NPAS1: variants seen among roughly 807,000 people sequenced by gnomAD.
NPAS1 encodes the protein neuronal PAS domain protein 1, also known as neuronal PAS domain-containing protein 1.
In NPAS1, 29 loss-of-function variants were observed where a neutral mutation model predicts 49.2. The ratio of observed to expected loss-of-function variants is 0.59; its 90% confidence interval spans 0.44 to 0.80. The LOEUF (loss-of-function observed/expected upper bound fraction) is 0.80, where lower values mean the gene tolerates loss of function less well. NPAS1 is among the 30% of genes least tolerant of loss of function. The pLI, the probability that NPAS1 is intolerant of heterozygous loss-of-function variation, is 0.00. For synonymous variants in NPAS1, 408 were observed against 380.4 expected, an observed-to-expected ratio of 1.07 and a Z score of -0.84; for missense variants, 825 against 835.5, an observed-to-expected ratio of 0.99 and a Z score of 0.15.
Position 47,040,425 on chromosome 19 carries a change from C to T in NPAS1, c.963-19C>T. Reference sequence around the variant, plus strand: ...CCCCGTGGTCTTGGACTCCTCCCCTCTTCTCTGTCACCCCCCAGAGTCAGC... The same window carrying T: ...CCCCGTGGTCTTGGACTCCTCCCCTTTTCTCTGTCACCCCCCAGAGTCAGC... On this transcript the variant is annotated intron_variant, in intron 8 of 11. Transcript: ENST00000602212. The T allele has an allele frequency of 6.4e-7, 1 of 1,550,762 alleles. No individual in the cohort carries two copies. The highest frequency in any genetic ancestry group is 8.8e-7 in the Non-Finnish European group (1 of 1,140,858).
At position 47,021,543 on chromosome 19, in the gene NPAS1, C is replaced by A. The variant is rs1005001131; in HGVS notation, c.123-69C>A. On this transcript the variant is annotated intron_variant, in intron 2 of 11. Coordinates refer to ENST00000602212, the MANE Select transcript of NPAS1 (RefSeq NM_002517.4). This position sits in a 1 kb window ranked among gnomAD's most constrained non-coding sequence, Gnocchi z 5.7. ...GTTCCCAAGGCCCCGGGAGGCGGGG[C>A]TCGCCCCCAGTTCCCAAGCCCCTGA... The A allele has an allele frequency of 1.8e-6, 2 of 1,104,736 alleles. No individual in the cohort carries two copies. The highest frequency in any genetic ancestry group is 1.7e-5 in the African/African-American group (1 of 59,990). The allele number at this position is 1,104,736 out of a possible 1,614,324, so 68.4% of individuals were successfully genotyped here. A position where few individuals can be genotyped will look rare whatever the true frequency, so the allele number is the denominator to read the frequency against.
intron 5 of NPAS1, 48 bp from the exon 6 acceptor site, chr19:47,035,916 T>TGC (rs777110466): frequency 1.4e-5 from 20 of 1,463,774 alleles, no homozygotes; most frequent in Middle Eastern, 4.3e-4. Context: ...AGCGAGTTAC[T>TGC]GCGCGCGCAC....
chr19:47,042,083 G>A (rs111928856), intron 10 of NPAS1, among the ~76,000 whole-genome samples: 2,244 of 151,204 alleles, frequency 0.015, 53 homozygotes, highest in African/African-American at 0.052. Flanking sequence ...CGAGGTGGGT[G>A]GATCACGAGG....
At chr19:47,020,894 G>C (rs1479749991) in intron 1 of NPAS1, 112 bp from the exon 2 acceptor site, 9 of 272,998 alleles carry the variant, frequency 3.3e-5, no homozygotes, top group South Asian at 2.5e-4. Context: ...CATCATCCAG[G>C]CCCCCCCCCC....
At chr19:47,042,776 C>A in intron 10 of NPAS1, 34 bp from the exon 11 acceptor site, 1 of 1,567,492 alleles carries the variant, frequency 6.4e-7, no homozygotes, top group Non-Finnish European at 8.7e-7. Flanking sequence ...GGCCAAGGAC[C>A]CCTGGCTCCT....
At position 47,032,270 on chromosome 19, in the gene NPAS1, T is replaced by TGCCCCA; in HGVS notation, c.359_364dup. The TGCCCCA allele has an allele frequency of 6.2e-7, 1 of 1,613,506 alleles. No individual in the cohort carries two copies. The highest frequency in any genetic ancestry group is 1.1e-5 in the South Asian group (1 of 91,062). On this transcript the variant is annotated splice_polypyrimidine_tract_variant and splice_region_variant and intron_variant, in intron 3 of 11. Coordinates refer to ENST00000602212, the MANE Select transcript of NPAS1 (RefSeq NM_002517.4). ...GACTAACAGGCTTCATCCTTCCATCTGCCCCAGCCCCAGGCCGCCGCGGCC... is the reference window on the plus strand; with the variant it reads ...GACTAACAGGCTTCATCCTTCCATCTGCCCCAGCCCCAGCCCCAGGCCGCCGCGGCC...
chr19:47,034,894 A>C (rs2056936496), intron 5 of NPAS1, among the ~76,000 whole-genome samples: 1 of 149,692 alleles, frequency 6.7e-6, no homozygotes, highest in Non-Finnish European at 1.5e-5. Context: ...AAACAAAACA[A>C]AAAAAGTCCA....
intron 3 of NPAS1, among the ~76,000 whole-genome samples, chr19:47,024,809 C>CTTTTT (rs774304674): frequency 7.5e-6 from 1 of 133,602 alleles, no homozygotes; most frequent in Non-Finnish European, 1.6e-5. Flanking sequence ...TTCCCTATTG[C>CTTTTT]TTTTTTTTTT....
At chr19:47,022,820 TAA>T (rs1166451964) in intron 3 of NPAS1, among the ~76,000 whole-genome samples, 1 of 152,264 alleles carries the variant, frequency 6.6e-6, no homozygotes, top group Admixed American at 6.5e-5. Context: ...GATAAATATC[TAA>T]GTTTATTATT....
At chr19:47,039,180 T>G in intron 7 of NPAS1, 29 bp downstream of exon 7, 1 of 1,567,008 alleles carries the variant, frequency 6.4e-7, no homozygotes, top group South Asian at 1.2e-5. Flanking sequence ...GCTCCTGTAT[T>G]CCAGGCAGCC....
intron 3 of NPAS1, among the ~76,000 whole-genome samples, chr19:47,027,668 C>G (rs141893469): frequency 4.9e-5 from 2 of 40,452 alleles, no homozygotes; most frequent in African/African-American, 1.6e-4. Flanking sequence ...TCTCCCTTCT[C>G]TCTGCCCCTG....
intron 3 of NPAS1, among the ~76,000 whole-genome samples, chr19:47,027,326 A>ACCCCCCTCTCTCTGCCCCAGG (rs2056877262): frequency 1.2e-5 from 1 of 80,594 alleles, no homozygotes; most frequent in African/African-American, 4.1e-5. Flanking sequence ...CTGCCCCTGG[A>ACCCCCCTCTCTCTGCCCCAGG]TCCCCCTCTC....
At chr19:47,045,049 AAACAAAAC>A in intron 11 of NPAS1, 134 bp from the exon 12 acceptor site, 1 of 858,732 alleles carries the variant, frequency 1.2e-6, no homozygotes, top group Non-Finnish European at 1.8e-6. Flanking sequence ...CAAAAAACAA[AAACAAAAC>A]AAACAAACAA....
intron 6 of NPAS1, among the ~76,000 whole-genome samples, chr19:47,037,444 G>T (rs1387463921): frequency 1.3e-5 from 2 of 151,668 alleles, no homozygotes; most frequent in African/African-American, 4.9e-5. Context: ...CTGAGGCACG[G>T]CGCGGAGAGG....
intron 10 of NPAS1, 97 bp from the exon 11 acceptor site, chr19:47,042,712 TG>T: frequency 1.1e-6 from 1 of 914,514 alleles, no homozygotes; most frequent in East Asian, 3.1e-5. Context: ...CATTTCCCCG[TG>T]GGAGTGTCCA....
chr19:47,029,963 A>G (rs2056895382), intron 3 of NPAS1, among the ~76,000 whole-genome samples: 1 of 152,110 alleles, frequency 6.6e-6, no homozygotes, highest in South Asian at 2.1e-4. Flanking sequence ...GAGGGTTCCA[A>G]TTTCACCACA....
Position 47,037,338 on chromosome 19 carries a change from C to CCA in NPAS1, c.688+1209_688+1210insCA, listed in dbSNP as rs2056967204. 1.2e-4 allele frequency among the ~76,000 whole-genome samples: 6 copies of CCA among 51,812 alleles called. 1 individual carries two copies. Among genetic ancestry groups the CCA allele is most frequent in the African/African-American group, 4.1e-4 (5 of 12,146 alleles). The allele number at this position is 51,812 out of a possible 152,430, so 34.0% of individuals were successfully genotyped here. ...TGCACTCTGAGTGAGACTCCGTCTC[C>CCA]AAAAAAAAAAAAAAAAAAAAAAAAA... On this transcript the variant is annotated intron_variant, in intron 6 of 11. Transcript: ENST00000602212.
chr19:47,043,943 A>C (rs1038971794), intron 11 of NPAS1, among the ~76,000 whole-genome samples: 1 of 149,256 alleles, frequency 6.7e-6, no homozygotes, highest in African/African-American at 2.5e-5. Flanking sequence ...GTTCACACCC[A>C]TAGTCCCAGC....
chr19:47,024,194 G>A (rs2056858361), intron 3 of NPAS1, among the ~76,000 whole-genome samples: 1 of 152,122 alleles, frequency 6.6e-6, no homozygotes, highest in African/African-American at 2.4e-5. Flanking sequence ...GGATGAGGTG[G>A]GAGGACTGCT....
Sources: allele counts gnomAD v4.1 joint callset (sites outside exome capture counted in the v4.1 genomes callset), GRCh38; gene constraint gnomAD v4.1.1; non-coding constraint Gnocchi (gnomAD v3.1); transcripts MANE v1.5; gene names NCBI Gene and HGNC (gene_info 2026-07-23, HGNC 2026-07-21).